MBTD1: variants seen among roughly 807,000 people sequenced by gnomAD.
The protein encoded by MBTD1 is MBT domain-containing protein 1.
Under a neutral mutation model 87.8 loss-of-function variants are expected in MBTD1, and 24 were observed. The observed-to-expected ratio is 0.27, with a 90% CI of 0.20 to 0.38. MBTD1 has a LOEUF of 0.38. MBTD1 is among the 10% of genes least tolerant of loss of function. MBTD1 has a pLI of 1.00. For synonymous variants in MBTD1, 237 were observed against 248.6 expected, an observed-to-expected ratio of 0.95 and a Z score of 0.44; for missense variants, 436 against 760.2, an observed-to-expected ratio of 0.57 and a Z score of 5.02.
In MBTD1 at chr17:51,187,911, T is replaced by C. The variant is rs925287426; in HGVS notation, c.1768+4292A>G. Among the ~76,000 whole-genome samples the C allele has an allele frequency of 4.1e-5, 6 of 147,252 alleles. No individual in the cohort carries two copies. The South Asian group carries it at 8.5e-4, about 21-fold the overall frequency. Reference sequence around the variant, plus strand: ...AGGGATCTTTATCTTTGTGACTGAGTTATGTCTGTTTTCTTCCAGATGACA... The same window carrying C: ...AGGGATCTTTATCTTTGTGACTGAGCTATGTCTGTTTTCTTCCAGATGACA... On this transcript the variant is annotated intron_variant, in intron 16 of 16. Transcript: ENST00000586178.
At chr17:51,205,160 T>G (rs113442149) in intron 7 of MBTD1, among the ~76,000 whole-genome samples, 298 of 152,344 alleles carry the variant, frequency 2.0e-3, no homozygotes, top group Non-Finnish European at 3.6e-3. Flanking sequence ...GAGACAAGTT[T>G]AGTCAGCATT....
chr17:51,234,076 T>C (rs2053686686), intron 2 of MBTD1, among the ~76,000 whole-genome samples: 1 of 151,654 alleles, frequency 6.6e-6, no homozygotes, highest in Non-Finnish European at 1.5e-5. Context: ...GAAGACAAAA[T>C]ATCCCAATAT....
intron 2 of MBTD1, among the ~76,000 whole-genome samples, chr17:51,232,339 G>A (rs140754438): frequency 3.4e-4 from 52 of 152,102 alleles, no homozygotes; most frequent in African/African-American, 1.2e-3. Flanking sequence ...AAGTATGAGC[G>A]CACGATCAAA....
chr17:51,195,780 T>C (rs1246505690), intron 12 of MBTD1, among the ~76,000 whole-genome samples: 1 of 152,260 alleles, frequency 6.6e-6, no homozygotes, highest in Non-Finnish European at 1.5e-5. Context: ...CTCTACCTTC[T>C]TCAAGCTCCA....
chr17:51,215,253 A>G (rs1390012413), intron 6 of MBTD1, among the ~76,000 whole-genome samples: 1 of 152,202 alleles, frequency 6.6e-6, no homozygotes, highest in Non-Finnish European at 1.5e-5. Context: ...TCCCTGATAG[A>G]ACATTTCAAT....
At chr17:51,238,047 G>A (rs944727112) in intron 2 of MBTD1, among the ~76,000 whole-genome samples, 6 of 152,096 alleles carry the variant, frequency 3.9e-5, no homozygotes, top group Admixed American at 6.6e-5. Context: ...CAAACTAGCT[G>A]TATAGTGACA....
chr17:51,256,266 G>C (rs181364768), intron 2 of MBTD1: 1 of 152,194 alleles, frequency 6.6e-6, no homozygotes. Context: ...CTGTATTTCA[G>C]ATGAGGAAAG....
intron 7 of MBTD1, among the ~76,000 whole-genome samples, chr17:51,206,040 G>A (rs1359392565): frequency 1.3e-5 from 2 of 152,116 alleles, no homozygotes; most frequent in African/African-American, 4.8e-5. Context: ...ATACCTGGTA[G>A]TAGTCAACAT....
intron 2 of MBTD1, among the ~76,000 whole-genome samples, chr17:51,245,623 C>T (rs2054392907): frequency 6.6e-6 from 1 of 151,656 alleles, no homozygotes; most frequent in African/African-American, 2.4e-5. Flanking sequence ...TCAAAATGTC[C>T]ATCTTTATCT....
At chr17:51,216,218 C>T (rs534197917) in intron 6 of MBTD1, among the ~76,000 whole-genome samples, 1 of 152,244 alleles carries the variant, frequency 6.6e-6, no homozygotes, top group South Asian at 2.1e-4. Flanking sequence ...AGGCGTGAGC[C>T]ACCGTGCCCG....
intron 2 of MBTD1, chr17:51,250,961 T>C (rs550049136): frequency 2.6e-5 from 4 of 152,244 alleles, no homozygotes; most frequent in African/African-American, 9.6e-5. Context: ...TTATTGGTTA[T>C]GATTTTATCT....
chr17:51,249,041 A>G (rs1312147133), intron 2 of MBTD1, among the ~76,000 whole-genome samples: 1 of 152,102 alleles, frequency 6.6e-6, no homozygotes, highest in Non-Finnish European at 1.5e-5. Context: ...GCTTGAGCCC[A>G]AGAGTTTGAG....
intron 3 of MBTD1, 39 bp downstream of exon 3, chr17:51,224,969 C>T: frequency 7.4e-7 from 1 of 1,351,242 alleles, no homozygotes. Context: ...CACCCTTAAA[C>T]ATAAAGCTGT....
chr17:51,190,750 A>AAAAAAAAAT (rs1555677185), intron 16 of MBTD1, among the ~76,000 whole-genome samples: 2 of 39,708 alleles, frequency 5.0e-5, no homozygotes, highest in Non-Finnish European at 4.1e-5. Flanking sequence ...AAAAAAAAAA[A>AAAAAAAAAT]ATATATATAT....
At chr17:51,204,001 G>A (rs1019516423) in intron 7 of MBTD1, 76 bp from the exon 8 acceptor site, 4 of 1,157,406 alleles carry the variant, frequency 3.5e-6, no homozygotes, top group Non-Finnish European at 5.0e-6. Flanking sequence ...GATAGCAGTT[G>A]TCAAACTAGT....
intron 6 of MBTD1, 66 bp from the exon 7 acceptor site, chr17:51,207,071 T>G: frequency 1.2e-6 from 1 of 814,524 alleles, no homozygotes; most frequent in Non-Finnish European, 2.1e-6. Flanking sequence ...TCAATGAAAA[T>G]TAAGCAGTAC....
chr17:51,256,273 A>G (rs2055083521), intron 2 of MBTD1: 1 of 152,206 alleles, frequency 6.6e-6, no homozygotes, highest in African/African-American at 2.4e-5. Context: ...TCAGATGAGG[A>G]AAGTGAAGCT....
chr17:51,244,168 T>C (rs1276056821), intron 2 of MBTD1, among the ~76,000 whole-genome samples: 4 of 152,224 alleles, frequency 2.6e-5, no homozygotes, highest in Non-Finnish European at 5.9e-5. Flanking sequence ...TGGCATCTAA[T>C]GATAACTTGT....
upstream of MBTD1, chr17:51,260,623 G>C (rs371628195): frequency 4.3e-6 from 7 of 1,612,738 alleles, no homozygotes; most frequent in East Asian, 4.5e-5. Context: ...AACTGGACCG[G>C]AGAACCGGAG....
Sources: allele counts gnomAD v4.1 joint callset (sites outside exome capture counted in the v4.1 genomes callset), GRCh38; gene constraint gnomAD v4.1.1; transcripts MANE v1.5; gene names NCBI Gene and HGNC (gene_info 2026-07-23, HGNC 2026-07-21).